WWOX: variants seen among roughly 807,000 people sequenced by gnomAD.
The protein encoded by WWOX is WW domain-containing oxidoreductase.
In WWOX, 69 loss-of-function variants were observed where a neutral mutation model predicts 46.2. That is an observed-to-expected ratio of 1.49 (90% confidence interval 1.23 to 1.82). WWOX has a LOEUF of 1.82. Ranked by LOEUF, WWOX falls within the 40% of genes most tolerant of loss-of-function variation. The pLI, the probability that WWOX is intolerant of heterozygous loss-of-function variation, is 0.00. For missense variants in WWOX, 919 were observed against 542.6 expected (o/e 1.69, Z -6.89); for synonymous variants, 359 against 202.6 (o/e 1.77, Z -6.56).
At chr16:79,022,499 C>T (rs1031707303) in intron 8 of WWOX, among the ~76,000 whole-genome samples, 2 of 151,896 alleles carry the variant, frequency 1.3e-5, no homozygotes, top group African/African-American at 4.8e-5. Flanking sequence ...GGAGCTGAGT[C>T]CCATTATATT....
intron 8 of WWOX, among the ~76,000 whole-genome samples, chr16:78,849,290 G>A (rs143590486): frequency 6.6e-6 from 1 of 152,260 alleles, no homozygotes; most frequent in East Asian, 1.9e-4. Context: ...ACAACGACAG[G>A]CCGGGCGCGG....
At chr16:79,037,916 C>T (rs1270085822) in intron 8 of WWOX, among the ~76,000 whole-genome samples, 1 of 152,132 alleles carries the variant, frequency 6.6e-6, no homozygotes. Flanking sequence ...ACAGGCTTTC[C>T]ATCCGAGAAA....
intron 8 of WWOX, among the ~76,000 whole-genome samples, chr16:78,588,919 A>G (rs1259785578): frequency 6.6e-6 from 1 of 152,120 alleles, no homozygotes; most frequent in African/African-American, 2.4e-5. Context: ...CTCAGGAAGA[A>G]GTGGCAGTTC....
chr16:78,177,147 T>A (rs941196842), intron 5 of WWOX, among the ~76,000 whole-genome samples: 1 of 152,196 alleles, frequency 6.6e-6, no homozygotes, highest in Non-Finnish European at 1.5e-5. Context: ...GCAGCTTGCT[T>A]TTTCTTTTAT....
At chr16:78,471,876 A>T (rs1427330357) in intron 8 of WWOX, among the ~76,000 whole-genome samples, 1 of 151,490 alleles carries the variant, frequency 6.6e-6, no homozygotes, top group African/African-American at 2.4e-5. Context: ...CCAATTTGCA[A>T]TTTTTTTTTC....
chr16:78,306,974 A>G (rs550059629), intron 5 of WWOX, among the ~76,000 whole-genome samples: 2 of 152,060 alleles, frequency 1.3e-5, no homozygotes, highest in South Asian at 2.1e-4. Flanking sequence ...CCCATTTCCA[A>G]CCTTCTGGGT....
Position 78,424,924 on chromosome 16 carries a change from C to T in WWOX, c.660C>T (p.Leu220=). ...NAATFALPWS[L]TKDGLETTFQ... ...CAACTTTTGCTCTACCCTGGAGTCTCACCAAAGATGGCCTGGAGACCACCT... is the reference window on the plus strand; with the variant it reads ...CAACTTTTGCTCTACCCTGGAGTCTTACCAAAGATGGCCTGGAGACCACCT... Residue 220 remains leucine (L), a synonymous_variant, in exon 7 of 9, where the codon CTC becomes CTT. Transcript: ENST00000566780. 6.2e-7 allele frequency: 1 copy of T among 1,614,156 alleles called. No individual in the cohort carries two copies. Among genetic ancestry groups the T allele is most frequent in the Non-Finnish European group, 8.5e-7 (1 of 1,180,036 alleles).
At chr16:78,941,390 A>G (rs1034059063) in intron 8 of WWOX, among the ~76,000 whole-genome samples, 17 of 152,064 alleles carry the variant, frequency 1.1e-4, no homozygotes, top group Admixed American at 1.1e-3. Flanking sequence ...CCATTGCCAA[A>G]GAAAGCCCTG....
intron 8 of WWOX, among the ~76,000 whole-genome samples, chr16:78,672,049 A>G (rs539894992): frequency 6.6e-6 from 1 of 152,326 alleles, no homozygotes; most frequent in South Asian, 2.1e-4. Context: ...ACTTTGAGCT[A>G]CAGGATCATG....
At chr16:79,054,464 G>C (rs559971103) in intron 8 of WWOX, among the ~76,000 whole-genome samples, 18 of 152,144 alleles carry the variant, frequency 1.2e-4, no homozygotes, top group African/African-American at 4.1e-4. Flanking sequence ...TCCAAAATGC[G>C]CGTGTTGCAA....
intron 8 of WWOX, among the ~76,000 whole-genome samples, chr16:78,653,167 C>A (rs2047003361): frequency 6.6e-6 from 1 of 151,520 alleles, no homozygotes; most frequent in Admixed American, 6.6e-5. Context: ...ATTAAAAAAA[C>A]AAGAATTTCT....
intron 8 of WWOX, among the ~76,000 whole-genome samples, chr16:79,141,082 G>A (rs988423238): frequency 6.6e-6 from 1 of 152,138 alleles, no homozygotes; most frequent in South Asian, 2.1e-4. Context: ...AACTGCTTAG[G>A]GCCAACCTGC....
intron 8 of WWOX, chr16:78,525,905 C>T (rs1170858019): frequency 6.6e-6 from 1 of 150,466 alleles, no homozygotes; most frequent in East Asian, 2.0e-4. Context: ...TCTTTTTCTT[C>T]TAACGGGAGA....
chr16:79,038,816 C>G (rs1010079390), intron 8 of WWOX, among the ~76,000 whole-genome samples: 4 of 152,044 alleles, frequency 2.6e-5, no homozygotes, highest in African/African-American at 9.7e-5. Context: ...TCCCAAAGTG[C>G]TGGGATTACA....
At chr16:78,899,897 C>G (rs529307047) in intron 8 of WWOX, among the ~76,000 whole-genome samples, 33 of 152,240 alleles carry the variant, frequency 2.2e-4, no homozygotes, top group African/African-American at 7.2e-4. Context: ...ACTTGTTCCT[C>G]TCTGTCAGGA....
At chr16:78,472,165 T>A (rs2084238366) in intron 8 of WWOX, among the ~76,000 whole-genome samples, 1 of 152,130 alleles carries the variant, frequency 6.6e-6, no homozygotes, top group South Asian at 2.1e-4. Context: ...TTTTTGTGCA[T>A]AATTCAAATT....
Position 79,211,900 on chromosome 16 carries a change from C to T in WWOX, c.*104C>T, listed in dbSNP as rs1396079428. ...CAAATGTCCCTCCAACACAGATCCG[C>T]AAGAGTAAAGGAAATAAGAGCAGTC... On this transcript the variant is annotated 3_prime_UTR_variant, in exon 9 of 9. Transcript: ENST00000566780. 1.3e-6 allele frequency: 2 copies of T among 1,559,362 alleles called. No homozygotes were observed. Among genetic ancestry groups the T allele is most frequent in the East Asian group, 2.4e-5 (1 of 42,068 alleles).
At chr16:78,886,639 C>CATACAT (rs1555559379) in intron 8 of WWOX, among the ~76,000 whole-genome samples, 3 of 144,844 alleles carry the variant, frequency 2.1e-5, no homozygotes, top group African/African-American at 7.6e-5. Flanking sequence ...CAAAGAAAAA[C>CATACAT]ATATATATAT....
At chr16:78,279,650 C>T (rs907560263) in intron 5 of WWOX, among the ~76,000 whole-genome samples, 2 of 152,148 alleles carry the variant, frequency 1.3e-5, no homozygotes, top group African/African-American at 4.8e-5. Context: ...CCCATTTATG[C>T]CCCATGCCAG....
Sources: allele counts gnomAD v4.1 joint callset (sites outside exome capture counted in the v4.1 genomes callset), GRCh38; gene constraint gnomAD v4.1.1; transcripts MANE v1.5; gene names NCBI Gene and HGNC (gene_info 2026-07-23, HGNC 2026-07-21).